Variants in SEPTIN14 observed in about 807,000 individuals in gnomAD.
SEPTIN14 encodes septin 14.
In SEPTIN14, 40 loss-of-function variants were observed where a neutral mutation model predicts 53.6. That is an observed-to-expected ratio of 0.75 (90% confidence interval 0.58 to 0.97). The LOEUF is 0.97. SEPTIN14 is among the 50% of genes least tolerant of loss of function. The pLI is 0.00. For synonymous variants in SEPTIN14, 138 were observed against 166.8 expected (o/e 0.83, Z 1.33); for missense variants, 471 against 508.2 (o/e 0.93, Z 0.70).
At chr7:55,807,393 A>C in intron 7 of SEPTIN14, 135 bp from the exon 8 acceptor site, 1 of 581,230 alleles carries the variant, frequency 1.7e-6, no homozygotes, top group Admixed American at 3.7e-5. Context: ...TAATAGCTAT[A>C]ATTCTTTTAA....
chr7:55,856,386 G>A (rs1036485219), intron 2 of SEPTIN14, among the ~76,000 whole-genome samples: 4 of 151,696 alleles, frequency 2.6e-5, no homozygotes, highest in African/African-American at 9.7e-5. Context: ...TGGTGTATAT[G>A]TACCACTTTT....
chr7:55,806,012 T>C (rs1788604103), intron 8 of SEPTIN14, among the ~76,000 whole-genome samples: 1 of 152,178 alleles, frequency 6.6e-6, no homozygotes, highest in Non-Finnish European at 1.5e-5. Context: ...TTCTTTTTTT[T>C]TTGAGACAGA....
intron 6 of SEPTIN14, among the ~76,000 whole-genome samples, chr7:55,823,019 T>C (rs1172026825): frequency 6.6e-6 from 1 of 152,164 alleles, no homozygotes; most frequent in African/African-American, 2.4e-5. Flanking sequence ...CTGCCACTGA[T>C]AGTGGCAGGA....
intron 6 of SEPTIN14, among the ~76,000 whole-genome samples, chr7:55,832,187 C>A (rs963975920): frequency 6.9e-6 from 1 of 144,248 alleles, no homozygotes; most frequent in Non-Finnish European, 1.5e-5. Context: ...AGTGACAGGG[C>A]GAGACTCTGT....
At chr7:55,838,759 G>A (rs1374893457) in intron 5 of SEPTIN14, among the ~76,000 whole-genome samples, 7 of 151,930 alleles carry the variant, frequency 4.6e-5, no homozygotes, top group Admixed American at 4.6e-4. Flanking sequence ...ACATTGCCCA[G>A]GCTGGTCTTG....
intron 2 of SEPTIN14, among the ~76,000 whole-genome samples, chr7:55,858,337 G>GTT: frequency 6.6e-6 from 1 of 152,184 alleles, no homozygotes; most frequent in East Asian, 1.9e-4. Context: ...TCATCACCAG[G>GTT]CTAACTGCTG....
chr7:55,829,891 GC>G (rs1379914193), intron 6 of SEPTIN14, among the ~76,000 whole-genome samples: 1 of 145,364 alleles, frequency 6.9e-6, no homozygotes, highest in Non-Finnish European at 1.5e-5. Flanking sequence ...AGACTTACAT[GC>G]TTTTGGCCAG....
chr7:55,833,668 A>G (rs1789153174), intron 6 of SEPTIN14, among the ~76,000 whole-genome samples: 1 of 152,132 alleles, frequency 6.6e-6, no homozygotes, highest in Non-Finnish European at 1.5e-5. Flanking sequence ...AGATTGTGCC[A>G]CTGCACTCCA....
At chr7:55,815,950 G>A (rs1788783462) in intron 7 of SEPTIN14, among the ~76,000 whole-genome samples, 1 of 152,162 alleles carries the variant, frequency 6.6e-6, no homozygotes, top group African/African-American at 2.4e-5. Flanking sequence ...AGCAACCTAA[G>A]TATCCATCAT....
intron 7 of SEPTIN14, among the ~76,000 whole-genome samples, chr7:55,814,956 T>C (rs1562708726): frequency 6.6e-6 from 1 of 151,906 alleles, no homozygotes; most frequent in Non-Finnish European, 1.5e-5. Context: ...CAAAGACCAA[T>C]GGAACAGAAT....
In SEPTIN14 at chr7:55,828,605, G is replaced by A. The variant is rs549004518; in HGVS notation, c.720+5820C>T. ...AGGCGTGAGCCACTGCACCCGGCCA[G>A]ATGAAAGCTTTAACAATAGGCTAGA... On this transcript the variant is annotated intron_variant, in intron 6 of 9. Coordinates refer to ENST00000388975, the MANE Select transcript of SEPTIN14 (RefSeq NM_207366.3). Among the ~76,000 whole-genome samples the A allele has an allele frequency of 9.4e-4, 143 of 152,102 alleles. No homozygotes were observed. In the Middle Eastern group the frequency reaches 0.014, roughly 14 times the overall value.
At chr7:55,814,264 A>C (rs1788755876) in intron 7 of SEPTIN14, among the ~76,000 whole-genome samples, 1 of 152,190 alleles carries the variant, frequency 6.6e-6, no homozygotes, top group Non-Finnish European at 1.5e-5. Context: ...AAAGATTACA[A>C]TAAATATCTA....
intron 5 of SEPTIN14, among the ~76,000 whole-genome samples, chr7:55,836,346 C>T (rs10281686): frequency 0.16 from 23,732 of 152,046 alleles, 2,201 homozygotes; most frequent in East Asian, 0.43. Context: ...TAAATTATAG[C>T]TCCACAAAAT....
At chr7:55,851,165 T>A (rs1036923849) in intron 2 of SEPTIN14, among the ~76,000 whole-genome samples, 2 of 152,202 alleles carry the variant, frequency 1.3e-5, no homozygotes, top group Admixed American at 6.6e-5. Flanking sequence ...GAGGAATAAT[T>A]TATATGTAAT....
intron 2 of SEPTIN14, among the ~76,000 whole-genome samples, chr7:55,854,962 A>G (rs1789588558): frequency 1.3e-5 from 2 of 151,948 alleles, no homozygotes; most frequent in South Asian, 4.1e-4. Context: ...AGACATCACT[A>G]CTAATACTAT....
intron 6 of SEPTIN14, 103 bp downstream of exon 6, chr7:55,834,322 C>G (rs1197618499): frequency 6.7e-6 from 5 of 751,482 alleles, no homozygotes; most frequent in Non-Finnish European, 8.2e-6. Context: ...AATCGATTCT[C>G]AGCAGAAGCT....
intron 6 of SEPTIN14, among the ~76,000 whole-genome samples, chr7:55,831,970 G>C (rs1304305788): frequency 6.6e-6 from 1 of 152,194 alleles, no homozygotes; most frequent in East Asian, 1.9e-4. Context: ...GGGAGGCCAA[G>C]GCGGGTGGAT....
intron 6 of SEPTIN14, among the ~76,000 whole-genome samples, chr7:55,824,238 A>T (rs1405314474): frequency 2.0e-5 from 3 of 152,152 alleles, no homozygotes; most frequent in African/African-American, 7.2e-5. Context: ...CAAAACACAC[A>T]CTTGATAAAG....
At chr7:55,835,816 C>A (rs1440979843) in intron 5 of SEPTIN14, among the ~76,000 whole-genome samples, 1 of 152,086 alleles carries the variant, frequency 6.6e-6, no homozygotes, top group Non-Finnish European at 1.5e-5. Context: ...AATCTAGGCT[C>A]AGGGCAACGT....
Sources: allele counts gnomAD v4.1 joint callset (sites outside exome capture counted in the v4.1 genomes callset), GRCh38; gene constraint gnomAD v4.1.1; transcripts MANE v1.5; gene names NCBI Gene and HGNC (gene_info 2026-07-23, HGNC 2026-07-21).